PER2: variants seen among roughly 807,000 people sequenced by gnomAD.
PER2 encodes period circadian protein homolog 2.
A neutral mutation model predicts 121.0 loss-of-function variants in PER2; 66 were observed. The ratio of observed to expected loss-of-function variants is 0.55; its 90% confidence interval spans 0.45 to 0.67. PER2 has a LOEUF of 0.67. Ranked by LOEUF, PER2 falls within the 30% of genes least tolerant of loss-of-function variation. PER2 has a pLI of 0.00. For missense variants in PER2, 1,521 were observed against 1,635.0 expected, an observed-to-expected ratio of 0.93 and a Z score of 1.20; for synonymous variants, 684 against 659.9, an observed-to-expected ratio of 1.04 and a Z score of -0.56.
At chr2:238,261,419 C>T (rs1695927775) in intron 12 of PER2, 2 of 457,162 alleles carry the variant, frequency 4.4e-6, no homozygotes, top group South Asian at 4.6e-5. Context: ...TGAGCCCCCG[C>T]ACCACTGAGA....
the PER2 span, chr2:238,299,377 A>G: frequency 6.6e-6 from 1 of 151,674 alleles, no homozygotes; most frequent in African/African-American, 2.4e-5. Context: ...CCCCCTCTCT[A>G]CTAAAAATAC....
chr2:238,291,230 T>C (rs1696945572), upstream of PER2, among the ~76,000 whole-genome samples: 1 of 152,192 alleles, frequency 6.6e-6, no homozygotes, highest in South Asian at 2.1e-4. Context: ...GCCTCCCAGC[T>C]AAAGGCTGCT....
At chr2:238,292,841 G>A (rs1696971155), upstream of PER2, among the ~76,000 whole-genome samples, 1 of 151,018 alleles carries the variant, frequency 6.6e-6, no homozygotes, top group African/African-American at 2.4e-5. Flanking sequence ...GGGTTCAAGA[G>A]ATTCTCCTGC....
At chr2:238,291,305 A>G (rs1327381348), upstream of PER2, among the ~76,000 whole-genome samples, 3 of 152,112 alleles carry the variant, frequency 2.0e-5, no homozygotes, top group Non-Finnish European at 2.9e-5. Flanking sequence ...AAGTTGGCCC[A>G]CCCATCTATG....
At chr2:238,279,817 C>A (rs1267725263) in intron 1 of PER2, among the ~76,000 whole-genome samples, 1 of 152,152 alleles carries the variant, frequency 6.6e-6, no homozygotes, top group Non-Finnish European at 1.5e-5. Flanking sequence ...CAATCATTTG[C>A]CACAAAGTGA....
At chr2:238,260,765 C>CT in intron 13 of PER2, 63 bp downstream of exon 13, 1 of 1,596,764 alleles carries the variant, frequency 6.3e-7, no homozygotes, top group East Asian at 2.2e-5. Flanking sequence ...CTTGAGTGTG[C>CT]TTTTTAACTC....
At chr2:238,249,498 G>A (rs943692272) in intron 21 of PER2, among the ~76,000 whole-genome samples, 1 of 152,218 alleles carries the variant, frequency 6.6e-6, no homozygotes, top group African/African-American at 2.4e-5. Flanking sequence ...GTCCACACAG[G>A]CATGGTTCAT....
chr2:238,265,244 T>C (rs1696058487), intron 9 of PER2, among the ~76,000 whole-genome samples: 1 of 152,176 alleles, frequency 6.6e-6, no homozygotes. Flanking sequence ...AGCGCCTCTG[T>C]CTGGACCATT....
At chr2:238,265,420 A>G in intron 9 of PER2, 92 bp downstream of exon 9, 2 of 787,658 alleles carry the variant, frequency 2.5e-6, no homozygotes, top group South Asian at 2.9e-5. Flanking sequence ...GTCCATTATC[A>G]TGTAATTATA....
Position 238,246,435 on chromosome 2 carries a change from C to T in PER2, c.3708G>A (p.Ser1236=), listed in dbSNP as rs764728840. Residue 1236 remains serine (S), a synonymous_variant, in exon 23 of 23, where the codon TCG becomes TCA. Coordinates refer to ENST00000254657, the MANE Select transcript of PER2 (RefSeq NM_022817.3). ...DIPSLGLSEV[S]DTKEDENGSP... ...ATCCATTTTCGTCTTCTTTGGTGTC[C>T]GACACTTCGCTGAGTCCCAGAGAAG... The T allele has an allele frequency of 1.9e-5, 30 of 1,611,368 alleles. No homozygotes were observed. Among genetic ancestry groups the T allele is most frequent in the Admixed American group, 1.0e-4 (6 of 59,892 alleles).
At chr2:238,260,798 T>C in intron 13 of PER2, 30 bp downstream of exon 13, 1 of 1,613,766 alleles carries the variant, frequency 6.2e-7, no homozygotes, top group Non-Finnish European at 8.5e-7. Context: ...CACAAACTCA[T>C]TTTCTCAGGG....
chr2:238,251,621 G>C lies in PER2; in HGVS notation c.3252C>G (p.Cys1084Trp). 2.5e-6 allele frequency: 4 copies of C among 1,614,104 alleles called. No individual in the cohort carries two copies. Among genetic ancestry groups the C allele is most frequent in the Middle Eastern group, 3.3e-4 (2 of 6,058 alleles). Residue 1084 changes from cysteine to tryptophan, a missense_variant, in exon 20 of 23, where the codon TGC (cysteine) becomes TGG (tryptophan). Coordinates refer to ENST00000254657, the MANE Select transcript of PER2 (RefSeq NM_022817.3). ...SESLGSGSLG[C>W]DASPSGAGSS... is the part of the protein sequence containing the mutation. The stretch of plus-strand genomic sequence containing the variant: ...TACCTGCCCCACTCGGGGAGGCGTC[G>C]CAGCCCAGTGAGCCGGAGCCCAGAG...
In PER2 at chr2:238,246,346, C is replaced by A; in HGVS notation, c.*29G>T. ...TCCAAGCACCACCTGGTGTACCTCGCTGGCTGCCGGGCTGAGGTGGGGCAG... is the reference window on the plus strand; with the variant it reads ...TCCAAGCACCACCTGGTGTACCTCGATGGCTGCCGGGCTGAGGTGGGGCAG... On this transcript the variant is annotated 3_prime_UTR_variant, in exon 23 of 23. Transcript: ENST00000254657. 6.4e-7 allele frequency: 1 copy of A among 1,560,978 alleles called. No homozygotes were observed. Among genetic ancestry groups the A allele is most frequent in the Non-Finnish European group, 8.7e-7 (1 of 1,148,216 alleles).
At position 238,273,109 on chromosome 2, in the gene PER2, C is replaced by A. The variant is rs1382339071; in HGVS notation, c.531G>T (p.Glu177Asp). 6.2e-7 allele frequency: 1 copy of A among 1,613,430 alleles called. No homozygotes were observed. The highest frequency in any genetic ancestry group is 1.1e-5 in the South Asian group (1 of 91,078). ...TGTGCTCAGAGGTAACGCTCTCCAT[C>A]TCCTCCACGGTGTAGGAGGGCACGT... ...GADVPSYTVE[E>D]MESVTSEHIV... The change falls in exon 5 of 23, where the codon GAG (glutamate) becomes GAT (aspartate). Residue 177 changes from glutamate (E) to aspartate (D), a missense_variant. Coordinates refer to ENST00000254657, the MANE Select transcript of PER2 (RefSeq NM_022817.3).
intron 22 of PER2, among the ~76,000 whole-genome samples, chr2:238,246,854 C>T (rs934199805): frequency 1.3e-5 from 2 of 152,118 alleles, no homozygotes; most frequent in African/African-American, 2.4e-5. Context: ...CCAGCCTGGG[C>T]GACAGAGTGA....
Position 238,255,873 on chromosome 2 carries a change from C to T in PER2, c.2104G>A (p.Asp702Asn). 1.2e-6 allele frequency: 2 copies of T among 1,614,246 alleles called. No individual in the cohort carries two copies. Among genetic ancestry groups the T allele is most frequent in the Non-Finnish European group, 1.7e-6 (2 of 1,180,048 alleles). ...GCCAGGGCAGGGCCCGCCAGGCAGT[C>T]CAGGGATTCTGGCCCACTCGCAGCA... is the stretch of plus-strand genomic sequence containing the variant. Reference protein sequence around the residue: ...EDAASGPESLDCLAGPALACG... With the variant: ...EDAASGPESLNCLAGPALACG... The change falls in exon 18 of 23, where the codon GAC (aspartate) becomes AAC (asparagine). Residue 702 changes from aspartate (D) to asparagine (N), a missense_variant. Transcript: ENST00000254657.
At position 238,271,531 on chromosome 2, in the gene PER2, G is replaced by A. The variant is rs1162772415; in HGVS notation, c.571-18C>T. The A allele has an allele frequency of 3.1e-6, 5 of 1,593,234 alleles. No homozygotes were observed. The African/African-American group carries it at 6.7e-5, about 21-fold the overall frequency. On this transcript the variant is annotated intron_variant, in intron 5 of 22. Transcript: ENST00000254657. ...AACATATCCTGAAAAGGAAGAGTAG[G>A]GCTCTGATGACAAGGTCAGATGGTG...
At chr2:238,295,844 AC>A in the PER2 span, 1 of 182,374 alleles carries the variant, frequency 5.5e-6, no homozygotes, top group Non-Finnish European at 1.2e-5. Flanking sequence ...GTGTAGGTGG[AC>A]TGTTGGGGTG....
intron 22 of PER2, among the ~76,000 whole-genome samples, chr2:238,247,845 G>A (rs1695489204): frequency 6.6e-6 from 1 of 152,232 alleles, no homozygotes; most frequent in Non-Finnish European, 1.5e-5. Flanking sequence ...GATTGAGGTG[G>A]CACAGTGCTG....
Sources: allele counts gnomAD v4.1 joint callset (sites outside exome capture counted in the v4.1 genomes callset), GRCh38; gene constraint gnomAD v4.1.1; transcripts MANE v1.5; gene names NCBI Gene and HGNC (gene_info 2026-07-23, HGNC 2026-07-21).